PRELID2: variants seen among roughly 807,000 people sequenced by gnomAD.
PRELID2 encodes PRELI domain containing 2.
A neutral mutation model predicts 28.4 loss-of-function variants in PRELID2; 25 were observed. That is an observed-to-expected ratio of 0.88 (90% CI 0.64 to 1.23). The LOEUF is 1.23. Among genes scored for constraint, PRELID2 ranks in the 50% most tolerant of loss-of-function variants. The probability of loss-of-function intolerance (pLI) is 0.00; values close to 1 mark genes in which losing one functional copy is unlikely to be tolerated. For missense variants in PRELID2, 201 were observed against 214.4 expected (o/e 0.94, Z 0.39); for synonymous variants, 76 against 71.6 (o/e 1.06, Z -0.31).
At chr5:145,678,113 A>G (rs958091699) in intron 1 of PRELID2, among the ~76,000 whole-genome samples, 1 of 152,242 alleles carries the variant, frequency 6.6e-6, no homozygotes, top group East Asian at 1.9e-4. Flanking sequence ...CTATCCATAT[A>G]ATCCAGGCAA....
chr5:145,333,761 C>T, the PRELID2 span, among the ~76,000 whole-genome samples: 1 of 146,146 alleles, frequency 6.8e-6, no homozygotes, highest in South Asian at 2.2e-4. Flanking sequence ...CTTCAGCCCC[C>T]TTTTAAGGGG....
At chr5:145,553,192 C>CA (rs774794719) in intron 1 of PRELID2, among the ~76,000 whole-genome samples, 2 of 138,778 alleles carry the variant, frequency 1.4e-5, no homozygotes, top group African/African-American at 2.9e-5. Context: ...ACCCCCCCCC[C>CA]CAAAAAAAAA....
At chr5:145,562,530 C>G (rs762471304) in intron 1 of PRELID2, among the ~76,000 whole-genome samples, 21 of 152,214 alleles carry the variant, frequency 1.4e-4, no homozygotes, top group Non-Finnish European at 2.4e-4. Context: ...CATTGCCTGC[C>G]TGGCTCTGCA....
In PRELID2 at chr5:145,835,226, T is replaced by C. The variant is rs1178765001; in HGVS notation, c.26A>G (p.Gln9Arg). The C allele has an allele frequency of 1.9e-6, 3 of 1,546,230 alleles. No homozygotes were observed. The highest frequency in any genetic ancestry group is 4.0e-5 in the Admixed American group (2 of 50,462). The change falls in exon 1 of 7, where the codon CAG (glutamine) becomes CGG (arginine). Residue 9 changes from glutamine to arginine, a missense_variant. Physicochemically the swap from Gln to Arg is conservative, Grantham distance 43. Coordinates refer to ENST00000683046, the MANE Select transcript of PRELID2 (RefSeq NM_205846.3). MGVSVDVH[Q>R]VYKYPFEQVV... ...CTGCTCGAAGGGGTACTTGTACACC[T>C]GGTGCACATCCACCGAGACCCCCAT...
the PRELID2 span, among the ~76,000 whole-genome samples, chr5:145,261,009 G>C: frequency 6.6e-6 from 1 of 152,172 alleles, no homozygotes; most frequent in Non-Finnish European, 1.5e-5. Flanking sequence ...TGGGCTGTGG[G>C]CTGCATGGGA....
At chr5:145,469,891 T>C (rs1489785914), downstream of PRELID2, among the ~76,000 whole-genome samples, 1 of 152,130 alleles carries the variant, frequency 6.6e-6, no homozygotes, top group Non-Finnish European at 1.5e-5. Flanking sequence ...CTGCAAGACA[T>C]CAGCTGAGGT....
chr5:145,565,584 A>G (rs572981672), intron 1 of PRELID2, among the ~76,000 whole-genome samples: 15 of 152,174 alleles, frequency 9.9e-5, no homozygotes, highest in African/African-American at 3.4e-4. Context: ...AGACATGTCA[A>G]CTCTACAGCT....
chr5:145,355,796 T>C, the PRELID2 span, among the ~76,000 whole-genome samples: 4 of 152,274 alleles, frequency 2.6e-5, no homozygotes, highest in East Asian at 7.7e-4. Context: ...ATCTCATCTG[T>C]GAAATCTGGA....
the PRELID2 span, among the ~76,000 whole-genome samples, chr5:145,254,321 C>T: frequency 6.6e-6 from 1 of 151,892 alleles, no homozygotes; most frequent in Non-Finnish European, 1.5e-5. Flanking sequence ...CTCTGTTTTT[C>T]GAATTATTAT....
chr5:145,730,643 G>A (rs1756312236), intron 1 of PRELID2, among the ~76,000 whole-genome samples: 1 of 152,028 alleles, frequency 6.6e-6, no homozygotes. Flanking sequence ...GACAGAGCAG[G>A]AGCATCGCCA....
In PRELID2 at chr5:145,603,298, A is replaced by T. The variant is rs1306801327; in HGVS notation, n.71-129983T>A. 3.9e-5 allele frequency among the ~76,000 whole-genome samples: 6 copies of T among 152,148 alleles called. No individual in the cohort carries two copies. The East Asian group carries it at 1.2e-3, about 29-fold the overall frequency. ...AATTAAATCAGAGCAGCTAGAAAAA[A>T]AAAAAAGAAAAATCTTTGAATGAGA... On this transcript the variant is annotated intron_variant and non_coding_transcript_variant, in intron 1 of 2. Transcript: ENST00000510259.
chr5:145,800,033 G>C (rs1053175932), intron 4 of PRELID2, among the ~76,000 whole-genome samples: 1 of 151,992 alleles, frequency 6.6e-6, no homozygotes, highest in Non-Finnish European at 1.5e-5. Context: ...CATCTCTGTG[G>C]AAAGGAAATG....
intron 1 of PRELID2, among the ~76,000 whole-genome samples, chr5:145,585,957 A>G (rs939783789): frequency 3.9e-5 from 6 of 152,136 alleles, no homozygotes; most frequent in African/African-American, 1.4e-4. Flanking sequence ...AGATCATGCC[A>G]TAAATCCGTG....
At chr5:145,654,122 T>G (rs1754348794) in intron 1 of PRELID2, among the ~76,000 whole-genome samples, 1 of 152,040 alleles carries the variant, frequency 6.6e-6, no homozygotes, top group Non-Finnish European at 1.5e-5. Context: ...TATAAACACC[T>G]CTACGCAAAT....
chr5:145,493,533 T>C (rs1752285607), intron 1 of PRELID2, among the ~76,000 whole-genome samples: 1 of 152,188 alleles, frequency 6.6e-6, no homozygotes, highest in Non-Finnish European at 1.5e-5. Flanking sequence ...GCTTTTAAAA[T>C]CTTACATGGT....
At chr5:145,809,076 C>A (rs1753752674) in intron 4 of PRELID2, among the ~76,000 whole-genome samples, 2 of 146,738 alleles carry the variant, frequency 1.4e-5, no homozygotes. Flanking sequence ...TCTCTGTCAC[C>A]CAGGCTGGAG....
the PRELID2 span, among the ~76,000 whole-genome samples, chr5:145,323,707 C>T: frequency 6.6e-6 from 1 of 152,106 alleles, no homozygotes; most frequent in African/African-American, 2.4e-5. Flanking sequence ...AAATGAGAAC[C>T]TATGGCATTT....
At chr5:145,308,202 A>T in the PRELID2 span, among the ~76,000 whole-genome samples, 1 of 152,136 alleles carries the variant, frequency 6.6e-6, no homozygotes, top group Non-Finnish European at 1.5e-5. Flanking sequence ...CAAGCGTAGA[A>T]CCCAAATGCC....
intron 5 of PRELID2, among the ~76,000 whole-genome samples, chr5:145,766,984 A>C (rs1041932407): frequency 6.6e-6 from 1 of 152,184 alleles, no homozygotes; most frequent in African/African-American, 2.4e-5. Flanking sequence ...TGATAAGGAC[A>C]GGTGGCAGGA....
Sources: allele counts gnomAD v4.1 joint callset (sites outside exome capture counted in the v4.1 genomes callset), GRCh38; gene constraint gnomAD v4.1.1; transcripts MANE v1.5; gene names NCBI Gene and HGNC (gene_info 2026-07-23, HGNC 2026-07-21).